The following XYLB variants were observed in gnomAD, a reference collection of about 807,000 sequenced individuals.
XYLB encodes xylulose kinase.
XYLB carries 62 observed loss-of-function variants against 78.7 expected under a neutral mutation model. The ratio of observed to expected loss-of-function variants is 0.79; its 90% confidence interval spans 0.64 to 0.97. The LOEUF (loss-of-function observed/expected upper bound fraction) is 0.97. Among genes scored for constraint, XYLB ranks in the 50% least tolerant of loss-of-function variants. The pLI is 0.00. For missense variants in XYLB, 687 were observed against 676.8 expected, an observed-to-expected ratio of 1.02 and a Z score of -0.17; for synonymous variants, 245 against 247.4, an observed-to-expected ratio of 0.99 and a Z score of 0.09.
intron 16 of XYLB, 79 bp from the exon 17 acceptor site, chr3:38,396,993 C>G: frequency 7.1e-7 from 1 of 1,414,678 alleles, no homozygotes; most frequent in Non-Finnish European, 1.0e-6. Flanking sequence ...AGGGAGAGAG[C>G]CTGGAAAGTG....
intron 15 of XYLB, among the ~76,000 whole-genome samples, chr3:38,380,067 G>C (rs1707073923): frequency 6.6e-6 from 1 of 152,072 alleles, no homozygotes; most frequent in Non-Finnish European, 1.5e-5. Flanking sequence ...AAAGCCACCA[G>C]TCCCGTTCCC....
chr3:38,444,770 C>T, the XYLB span, among the ~76,000 whole-genome samples: 3 of 152,146 alleles, frequency 2.0e-5, no homozygotes, highest in African/African-American at 7.2e-5. Context: ...GAAAAAACCG[C>T]CCATGGTTTT....
chr3:38,396,404 G>A (rs952141063), intron 16 of XYLB, among the ~76,000 whole-genome samples: 1 of 152,192 alleles, frequency 6.6e-6, no homozygotes, highest in South Asian at 2.1e-4. Context: ...GCCACCCTGG[G>A]GAGGTTAAAT....
chr3:38,406,907 T>C, intron 18 of XYLB, among the ~76,000 whole-genome samples: 1 of 151,988 alleles, frequency 6.6e-6, no homozygotes, highest in East Asian at 1.9e-4. Context: ...CTACGTCTGA[T>C]TGGTGTACCT....
In XYLB at chr3:38,406,090, G is replaced by A. The variant is rs1013286127; in HGVS notation, c.1533+5105G>A. ...AATGGGCAGACTGCCTCCTCAAGTG[G>A]GTCCCTGACCCCTGACCCCCGAGCA... On this transcript the variant is annotated intron_variant, in intron 18 of 18. Coordinates refer to ENST00000207870, the MANE Select transcript of XYLB (RefSeq NM_005108.4). 6.6e-5 allele frequency among the ~76,000 whole-genome samples: 10 copies of A among 152,340 alleles called. No homozygotes were observed. The East Asian group carries it at 1.9e-3, about 29-fold the overall frequency.
At chr3:38,446,198 C>T in the XYLB span, among the ~76,000 whole-genome samples, 1 of 152,180 alleles carries the variant, frequency 6.6e-6, no homozygotes, top group Non-Finnish European at 1.5e-5. Flanking sequence ...GTCCATTTTA[C>T]AGTGTGCTGA....
At chr3:38,432,929 C>A in the XYLB span, among the ~76,000 whole-genome samples, 1 of 152,146 alleles carries the variant, frequency 6.6e-6, no homozygotes, top group Non-Finnish European at 1.5e-5. Flanking sequence ...GGATGGTGGC[C>A]CTCTTCTCAC....
chr3:38,383,188 T>C (rs1707231563), intron 15 of XYLB, among the ~76,000 whole-genome samples: 2 of 152,240 alleles, frequency 1.3e-5, no homozygotes. Context: ...GGTACTGATA[T>C]GATTCCCACT....
At chr3:38,404,841 CA>C (rs1708249148) in intron 18 of XYLB, among the ~76,000 whole-genome samples, 1 of 152,068 alleles carries the variant, frequency 6.6e-6, no homozygotes, top group Non-Finnish European at 1.5e-5. Context: ...AATAAAAAAA[CA>C]AAACTTAACT....
the XYLB span, among the ~76,000 whole-genome samples, chr3:38,428,826 T>A: frequency 1.3e-4 from 20 of 152,378 alleles, no homozygotes; most frequent in African/African-American, 4.8e-4. Flanking sequence ...TTCATTGTCC[T>A]CTCCCCTTTA....
intron 2 of XYLB, chr3:38,355,827 C>T (rs1308327898): frequency 8.5e-6 from 6 of 703,178 alleles, no homozygotes; most frequent in Admixed American, 2.0e-5. Flanking sequence ...ACTCCCCACT[C>T]CCCACTCATG....
downstream of XYLB, among the ~76,000 whole-genome samples, chr3:38,419,576 C>CTT (rs1452039526): frequency 2.3e-5 from 1 of 44,222 alleles, no homozygotes; most frequent in African/African-American, 7.7e-5. Context: ...TGTTATTTTT[C>CTT]TTTATATATA....
the XYLB span, among the ~76,000 whole-genome samples, chr3:38,437,846 T>G: frequency 1.3e-5 from 2 of 151,938 alleles, no homozygotes; most frequent in Admixed American, 6.6e-5. Flanking sequence ...CTAAGGCAGG[T>G]GGATCACGAG....
downstream of XYLB, among the ~76,000 whole-genome samples, chr3:38,415,932 C>T (rs1172482845): frequency 1.3e-5 from 2 of 152,034 alleles, no homozygotes; most frequent in African/African-American, 4.8e-5. Flanking sequence ...CACATGGTGG[C>T]AAGAAAGAGA....
At chr3:38,379,388 G>T (rs892411768) in intron 15 of XYLB, 46 bp downstream of exon 15, 13 of 1,595,080 alleles carry the variant, frequency 8.2e-6, no homozygotes, top group Non-Finnish European at 1.1e-5. Flanking sequence ...GGGGCTCAGG[G>T]CCAGCTCACT....
At chr3:38,412,144 C>G (rs966479089) in intron 18 of XYLB, among the ~76,000 whole-genome samples, 11 of 152,110 alleles carry the variant, frequency 7.2e-5, no homozygotes, top group African/African-American at 2.2e-4. Flanking sequence ...GCACCTGCCA[C>G]CACACCCAGC....
chr3:38,443,140 A>G, the XYLB span, among the ~76,000 whole-genome samples: 1 of 152,192 alleles, frequency 6.6e-6, no homozygotes, highest in Non-Finnish European at 1.5e-5. Flanking sequence ...TCAGATGGTA[A>G]TGGACTTTGA....
chr3:38,387,734 A>G (rs141351943), intron 15 of XYLB, among the ~76,000 whole-genome samples: 201 of 152,312 alleles, frequency 1.3e-3, no homozygotes, highest in African/African-American at 4.7e-3. Flanking sequence ...ACAGTCTGCT[A>G]TTAAGTCCAT....
At position 38,397,143 on chromosome 3, in the gene XYLB, A is replaced by G. The variant is rs754118656; in HGVS notation, c.1422A>G (p.Ala474=). The G allele has an allele frequency of 1.2e-6, 2 of 1,614,020 alleles. No homozygotes were observed. The highest frequency in any genetic ancestry group is 2.7e-5 in the African/African-American group (2 of 74,910). ...DTANSACVGS[A]YRAFHGLAGG... ...CCAACTCGGCCTGTGTGGGTTCTGC[A>G]TACCGAGCTTTTCATGGTAGGTTGA... The change falls in exon 17 of 19, where the codon GCA becomes GCG. Residue 474 remains alanine, a synonymous_variant. Coordinates refer to ENST00000207870, the MANE Select transcript of XYLB (RefSeq NM_005108.4).
Sources: allele counts gnomAD v4.1 joint callset (sites outside exome capture counted in the v4.1 genomes callset), GRCh38; gene constraint gnomAD v4.1.1; transcripts MANE v1.5; gene names NCBI Gene and HGNC (gene_info 2026-07-23, HGNC 2026-07-21).